UNC13C: variants seen among roughly 807,000 people sequenced by gnomAD.
The protein encoded by UNC13C is protein unc-13 homolog C.
Under a neutral mutation model 245.4 loss-of-function variants are expected in UNC13C, and 174 were observed. The ratio of observed to expected loss-of-function variants is 0.71; its 90% CI spans 0.63 to 0.80. The LOEUF is 0.80. Ranked by LOEUF, UNC13C falls within the 30% of genes least tolerant of loss-of-function variation. UNC13C has a pLI of 0.00. For missense variants in UNC13C, 2,829 were observed against 2,602.9 expected (o/e 1.09, Z -1.89); for synonymous variants, 992 against 895.1 (o/e 1.11, Z -1.93).
chr15:54,226,311 C>T (rs1241157386), intron 4 of UNC13C, among the ~76,000 whole-genome samples: 1 of 152,128 alleles, frequency 6.6e-6, no homozygotes, highest in Non-Finnish European at 1.5e-5. Context: ...ATGAGAGTGG[C>T]CTCATAAAAT....
Position 54,461,876 on chromosome 15 carries a change from A to G in UNC13C, c.4934-32732A>G, listed in dbSNP as rs185804848. Among the ~76,000 whole-genome samples, 444 of 152,334 alleles carry G rather than the reference A, an allele frequency of 2.9e-3. 4 individuals are homozygous for G. The highest frequency in any genetic ancestry group is 0.01 in the African/African-American group (423 of 41,568). ...TGAGGGGTTGTTCAATGTTTGAAGA[A>G]AAAGAAGAATACTGGTATGAAATAA... is the stretch of plus-strand genomic sequence containing the variant. On this transcript the variant is annotated intron_variant, in intron 19 of 32. Transcript: ENST00000260323.
At chr15:54,309,987 C>T (rs2037825958) in intron 13 of UNC13C, among the ~76,000 whole-genome samples, 2 of 151,756 alleles carry the variant, frequency 1.3e-5, no homozygotes, top group Admixed American at 6.6e-5. Context: ...GCACCATTTA[C>T]TTGCAAAAGT....
At chr15:53,992,616 C>G (rs552379027) in intron 1 of UNC13C, among the ~76,000 whole-genome samples, 10 of 152,190 alleles carry the variant, frequency 6.6e-5, no homozygotes, top group African/African-American at 2.4e-4. Context: ...CCTGTTTTTC[C>G]TAAGGCCTTG....
chr15:53,989,340 A>T (rs1894281756), intron 1 of UNC13C, among the ~76,000 whole-genome samples: 3 of 152,032 alleles, frequency 2.0e-5, no homozygotes, highest in Middle Eastern at 3.4e-3. Context: ...GTTAAAAAAA[A>T]AAAATGTAGG....
intron 30 of UNC13C, among the ~76,000 whole-genome samples, chr15:54,606,310 T>C (rs1476560373): frequency 1.3e-5 from 2 of 152,206 alleles, no homozygotes; most frequent in Non-Finnish European, 2.9e-5. Context: ...TGCAAAGCTT[T>C]GCAAGATTTC....
intron 4 of UNC13C, among the ~76,000 whole-genome samples, chr15:54,215,840 A>G (rs574604273): frequency 6.6e-6 from 1 of 152,096 alleles, no homozygotes; most frequent in Admixed American, 6.6e-5. Context: ...CATCATGAAA[A>G]GCACTGCCAG....
At chr15:54,052,807 G>A (rs1897328631) in intron 2 of UNC13C, among the ~76,000 whole-genome samples, 1 of 152,136 alleles carries the variant, frequency 6.6e-6, no homozygotes, top group South Asian at 2.1e-4. Flanking sequence ...CTCGAACAAT[G>A]TCTTTAATAT....
At chr15:54,407,525 C>T (rs62010067) in intron 18 of UNC13C, among the ~76,000 whole-genome samples, 21,205 of 152,090 alleles carry the variant, frequency 0.14, 1,564 homozygotes, top group Non-Finnish European at 0.16. Flanking sequence ...ATACAGGCTT[C>T]GGAAGAACTT....
chr15:54,150,114 A>G (rs1268758924), intron 4 of UNC13C, among the ~76,000 whole-genome samples: 1 of 152,144 alleles, frequency 6.6e-6, no homozygotes, highest in African/African-American at 2.4e-5. Context: ...TACTATGGTA[A>G]AGTATTATCA....
intron 30 of UNC13C, among the ~76,000 whole-genome samples, chr15:54,584,346 T>C (rs992690650): frequency 2.0e-5 from 3 of 152,242 alleles, no homozygotes; most frequent in Non-Finnish European, 4.4e-5. Context: ...ATGCCTCGTT[T>C]CATTTCATTT....
At chr15:54,505,651 C>T (rs539036160) in intron 22 of UNC13C, among the ~76,000 whole-genome samples, 15 of 112,612 alleles carry the variant, frequency 1.3e-4, no homozygotes, top group African/African-American at 4.9e-4. Context: ...TTTGCACACT[C>T]TCATTCAAGT....
the UNC13C span, among the ~76,000 whole-genome samples, chr15:53,857,205 T>G: frequency 6.6e-6 from 1 of 152,198 alleles, no homozygotes; most frequent in South Asian, 2.1e-4. Context: ...CTGAGCCTAC[T>G]CTGGCTCAGG....
intron 2 of UNC13C, among the ~76,000 whole-genome samples, chr15:54,116,177 C>A (rs1357641961): frequency 2.0e-5 from 3 of 152,006 alleles, no homozygotes; most frequent in Non-Finnish European, 2.9e-5. Context: ...TTTCAAGGTA[C>A]ATGTGATAAT....
At chr15:54,406,790 A>G (rs1484986932) in intron 18 of UNC13C, among the ~76,000 whole-genome samples, 1 of 152,166 alleles carries the variant, frequency 6.6e-6, no homozygotes, top group Admixed American at 6.5e-5. Flanking sequence ...ATTCACAACT[A>G]TTTAATCATT....
At chr15:54,247,353 C>G (rs542086853) in intron 7 of UNC13C, among the ~76,000 whole-genome samples, 1 of 152,170 alleles carries the variant, frequency 6.6e-6, no homozygotes, top group Admixed American at 6.5e-5. Context: ...TTCATCTTGC[C>G]TGATTTTGCT....
At chr15:54,419,900 A>G (rs1195084396) in intron 19 of UNC13C, among the ~76,000 whole-genome samples, 3 of 152,064 alleles carry the variant, frequency 2.0e-5, no homozygotes. Context: ...CTCAAGTATG[A>G]CAACTTTTTT....
At chr15:54,481,035 G>A (rs144544823) in intron 19 of UNC13C, among the ~76,000 whole-genome samples, 23 of 152,296 alleles carry the variant, frequency 1.5e-4, no homozygotes, top group African/African-American at 5.5e-4. Flanking sequence ...TGTAACTATA[G>A]TATTGGTTTG....
At chr15:54,282,200 T>C (rs1261009359) in intron 10 of UNC13C, among the ~76,000 whole-genome samples, 4 of 152,206 alleles carry the variant, frequency 2.6e-5, no homozygotes, top group Non-Finnish European at 4.4e-5. Flanking sequence ...AATTTTGCTA[T>C]CTCTAGTTCT....
At chr15:53,886,498 A>G in the UNC13C span, among the ~76,000 whole-genome samples, 182 of 152,314 alleles carry the variant, frequency 1.2e-3, no homozygotes, top group African/African-American at 4.3e-3. Context: ...TCATGAGACC[A>G]TACTTCTATA....
Sources: allele counts gnomAD v4.1 joint callset (sites outside exome capture counted in the v4.1 genomes callset), GRCh38; gene constraint gnomAD v4.1.1; transcripts MANE v1.5; gene names NCBI Gene and HGNC (gene_info 2026-07-23, HGNC 2026-07-21).